ARID2: variants seen among roughly 807,000 people sequenced by gnomAD.
The protein encoded by ARID2 is AT-rich interaction domain 2, also known as AT-rich interactive domain-containing protein 2.
A neutral mutation model predicts 184.6 loss-of-function variants in ARID2; 32 were observed. The ratio of observed to expected loss-of-function variants is 0.17; its 90% CI spans 0.13 to 0.23. The LOEUF (loss-of-function observed/expected upper bound fraction) is 0.23, where lower values mean the gene tolerates loss of function less well. Ranked by LOEUF, ARID2 falls within the 10% of genes least tolerant of loss-of-function variation. The pLI, the probability that ARID2 is intolerant of heterozygous loss-of-function variation, is 1.00. For synonymous variants in ARID2, 836 were observed against 772.6 expected (o/e 1.08, Z -1.36); for missense variants, 1,696 against 2,197.6 (o/e 0.77, Z 4.56).
intron 3 of ARID2, among the ~76,000 whole-genome samples, chr12:45,775,741 AC>A: frequency 6.6e-6 from 1 of 152,226 alleles, no homozygotes; most frequent in East Asian, 1.9e-4. Context: ...TGTTAATTTT[AC>A]TGCCAGATGG....
chr12:45,839,296 T>G, intron 10 of ARID2, 33 bp from the exon 11 acceptor site: 1 of 1,554,788 alleles, frequency 6.4e-7, no homozygotes, highest in South Asian at 1.2e-5. Context: ...ATAATATTAT[T>G]GACTAATAAC....
chr12:45,896,464 G>A (rs1332506459), intron 20 of ARID2, among the ~76,000 whole-genome samples: 1 of 152,136 alleles, frequency 6.6e-6, no homozygotes, highest in Non-Finnish European at 1.5e-5. Flanking sequence ...CTCCTGTGCT[G>A]TTCTCATTAT....
Position 45,868,270 on chromosome 12 carries a change from G to A in ARID2, c.4922+7321G>A, listed in dbSNP as rs1469248341. Among the ~76,000 whole-genome samples, 4 of 152,058 alleles carry A rather than the reference G, an allele frequency of 2.6e-5. No homozygotes were observed. In the East Asian group the frequency reaches 5.8e-4, roughly 22 times the overall value. ...AGCCTGGCCAACATGGCAAAACCCT[G>A]TCTCTACTAAAAATACAAAAATTAG... is the stretch of plus-strand genomic sequence containing the variant. On this transcript the variant is annotated intron_variant, in intron 16 of 20. Coordinates refer to ENST00000334344, the MANE Select transcript of ARID2 (RefSeq NM_152641.4).
intron 3 of ARID2, among the ~76,000 whole-genome samples, chr12:45,801,753 T>G (rs2138069095): frequency 6.6e-6 from 1 of 152,098 alleles, no homozygotes; most frequent in Non-Finnish European, 1.5e-5. Context: ...AGAAACCACT[T>G]GTTTTTAAGT....
chr12:45,785,673 G>C (rs528999189), intron 3 of ARID2, among the ~76,000 whole-genome samples: 1 of 152,132 alleles, frequency 6.6e-6, no homozygotes, highest in Admixed American at 6.5e-5. Context: ...TGAATTTTCA[G>C]ATTAGAGAAG....
intron 3 of ARID2, among the ~76,000 whole-genome samples, chr12:45,787,383 T>G (rs943706826): frequency 2.0e-5 from 3 of 151,756 alleles, no homozygotes; most frequent in African/African-American, 7.3e-5. Flanking sequence ...ATGTCTGGGA[T>G]AATTTTTGTT....
intron 6 of ARID2, among the ~76,000 whole-genome samples, chr12:45,824,783 A>G (rs1201949627): frequency 6.6e-6 from 1 of 151,760 alleles, no homozygotes; most frequent in Non-Finnish European, 1.5e-5. Context: ...GTCAATGTGC[A>G]TTGCAGCATT....
At chr12:45,791,983 T>G (rs1490972930) in intron 3 of ARID2, among the ~76,000 whole-genome samples, 1 of 152,176 alleles carries the variant, frequency 6.6e-6, no homozygotes, top group Non-Finnish European at 1.5e-5. Context: ...CCCCCATCAG[T>G]CTCACCAGAA....
chr12:45,791,105 G>A (rs149450692), intron 3 of ARID2, among the ~76,000 whole-genome samples: 47 of 152,028 alleles, frequency 3.1e-4, no homozygotes, highest in African/African-American at 1.1e-3. Flanking sequence ...ATTTTTTGAG[G>A]AACTGCCATG....
At chr12:45,903,751 G>A (rs903486088) in intron 20 of ARID2, among the ~76,000 whole-genome samples, 1 of 151,884 alleles carries the variant, frequency 6.6e-6, no homozygotes, top group Non-Finnish European at 1.5e-5. Context: ...AATTCAAAAT[G>A]TACGTGTCTT....
intron 3 of ARID2, among the ~76,000 whole-genome samples, chr12:45,735,466 G>A (rs974254564): frequency 3.5e-5 from 5 of 141,498 alleles, no homozygotes; most frequent in African/African-American, 1.4e-4. Context: ...TGTGTAGACA[G>A]GGGTCTTGCT....
intron 16 of ARID2, among the ~76,000 whole-genome samples, chr12:45,870,522 G>A (rs911915256): frequency 6.6e-5 from 10 of 152,080 alleles, no homozygotes; most frequent in African/African-American, 2.4e-4. Flanking sequence ...TGACAAATGC[G>A]TAATGTCATG....
chr12:45,897,731 G>A (rs1479963223), intron 20 of ARID2, among the ~76,000 whole-genome samples: 1 of 152,124 alleles, frequency 6.6e-6, no homozygotes, highest in South Asian at 2.1e-4. Context: ...ATCGATGATA[G>A]ACAAAATGTG....
chr12:45,863,118 ATTTAAC>A (rs1464079894), intron 16 of ARID2, among the ~76,000 whole-genome samples: 2 of 152,228 alleles, frequency 1.3e-5, no homozygotes, highest in Admixed American at 6.5e-5. Context: ...ATATTGGACA[ATTTAAC>A]TTTGAGATGG....
At position 45,731,272 on chromosome 12, in the gene ARID2, G is replaced by T; in HGVS notation, c.242G>T (p.Ser81Ile). Residue 81 changes from serine to isoleucine, a missense_variant, in exon 3 of 21, where the codon AGT (serine) becomes ATT (isoleucine). Physicochemically the swap from Ser to Ile is moderately radical, Grantham distance 142. Transcript: ENST00000334344. ...GTTGAAGAGTTCAACTTTCCCAGAA[G>T]TTGTTCTAACGCTGCCTTTGCTTTA... The part of the protein sequence containing the change: ...EIVEEFNFPR[S>I]CSNAAFALKQ... The T allele has an allele frequency of 6.2e-7, 1 of 1,614,084 alleles. No homozygotes were observed. Among genetic ancestry groups the T allele is most frequent in the Non-Finnish European group, 8.5e-7 (1 of 1,179,976 alleles).
intron 20 of ARID2, among the ~76,000 whole-genome samples, chr12:45,896,805 A>T (rs1944374064): frequency 6.6e-6 from 1 of 152,212 alleles, no homozygotes; most frequent in Admixed American, 6.5e-5. Flanking sequence ...GAGATAAAGA[A>T]GAGAAAGGGC....
chr12:45,818,318 A>G (rs979474125), intron 5 of ARID2, among the ~76,000 whole-genome samples: 1 of 152,314 alleles, frequency 6.6e-6, no homozygotes, highest in Admixed American at 6.5e-5. Context: ...AAGGCTTCAT[A>G]TCATTTTTAC....
intron 18 of ARID2, among the ~76,000 whole-genome samples, chr12:45,892,544 GTTATC>G (rs1441643394): frequency 6.6e-6 from 1 of 151,696 alleles, no homozygotes; most frequent in East Asian, 1.9e-4. Flanking sequence ...TTGTTTTCAG[GTTATC>G]TTATTTAATA....
chr12:45,766,902 A>G (rs1941782398), intron 3 of ARID2, among the ~76,000 whole-genome samples: 1 of 150,228 alleles, frequency 6.7e-6, no homozygotes, highest in African/African-American at 2.5e-5. Context: ...TGGGAGGCAG[A>G]GATTGCGGTG....
Sources: allele counts gnomAD v4.1 joint callset (sites outside exome capture counted in the v4.1 genomes callset), GRCh38; gene constraint gnomAD v4.1.1; transcripts MANE v1.5; gene names NCBI Gene and HGNC (gene_info 2026-07-23, HGNC 2026-07-21).